Variants in IPCEF1 observed in about 807,000 individuals in gnomAD.
IPCEF1 encodes interactor protein for cytohesin exchange factors 1.
IPCEF1 carries 31 observed loss-of-function variants against 50.9 expected under a neutral mutation model. The observed-to-expected ratio is 0.61, with a 90% CI of 0.46 to 0.82. IPCEF1 has a LOEUF of 0.82. IPCEF1 is among the 40% of genes least tolerant of loss of function. The pLI, the probability that IPCEF1 is intolerant of heterozygous loss-of-function variation, is 0.00. For missense variants in IPCEF1, 458 were observed against 514.0 expected (o/e 0.89, Z 1.05); for synonymous variants, 181 against 192.0 (o/e 0.94, Z 0.47).
chr6:154,154,845 T>C lies in IPCEF1; in HGVS notation c.*4983A>G, dbSNP rs1798647984. 1 of 152,554 alleles carries C rather than the reference T, an allele frequency of 6.6e-6. No individual in the cohort carries two copies. The highest frequency in any genetic ancestry group is 6.6e-5 in the Admixed American group (1 of 15,266). The allele number at this position is 152,554 out of a possible 1,614,324, so 9.5% of individuals were successfully genotyped here. A position where few individuals can be genotyped will look rare whatever the true frequency, so the allele number is the denominator to read the frequency against. ...ACACAGGATGAGAGCACAGTAAAAC[T>C]TAAGCTAAGATTTCCACATTAATAT... On this transcript the variant is annotated 3_prime_UTR_variant, in exon 12 of 12. Coordinates refer to ENST00000367220, the MANE Select transcript of IPCEF1 (RefSeq NM_001130700.2).
In IPCEF1 at chr6:154,293,582, G is replaced by A. The variant is rs190107856; in HGVS notation, c.-61-3826C>T. ...TCTGAATAATGAGTGTGATATTATT[G>A]TTACTGTCCAGTGTTCAATTTCATA... On this transcript the variant is annotated intron_variant, in intron 1 of 11. Coordinates refer to ENST00000367220, the MANE Select transcript of IPCEF1 (RefSeq NM_001130700.2). 2.3e-4 allele frequency among the ~76,000 whole-genome samples: 35 copies of A among 152,230 alleles called. 1 individual carries two copies. In the East Asian group the frequency reaches 6.8e-3, roughly 29 times the overall value.
intron 1 of IPCEF1, among the ~76,000 whole-genome samples, chr6:154,346,462 C>A (rs1188528575): frequency 6.6e-6 from 1 of 152,130 alleles, no homozygotes; most frequent in Non-Finnish European, 1.5e-5. Context: ...ATATACTAAT[C>A]TTTTCTTTCA....
intron 1 of IPCEF1, among the ~76,000 whole-genome samples, chr6:154,292,901 A>AAT (rs1782548417): frequency 6.6e-6 from 1 of 152,230 alleles, no homozygotes; most frequent in Admixed American, 6.5e-5. Context: ...GCTTTGGTGC[A>AAT]ACTAATGATA....
At chr6:154,257,458 A>G (rs899026305) in intron 3 of IPCEF1, among the ~76,000 whole-genome samples, 1 of 151,972 alleles carries the variant, frequency 6.6e-6, no homozygotes, top group Admixed American at 6.5e-5. Context: ...GATGCTTACC[A>G]TGTTTCTGAG....
In IPCEF1 at chr6:154,348,989, A is replaced by T. The variant is rs1288477938; in HGVS notation, c.-62+7683T>A. On this transcript the variant is annotated intron_variant, in intron 1 of 11. Coordinates refer to ENST00000367220, the MANE Select transcript of IPCEF1 (RefSeq NM_001130700.2). ...TTTTCATGTTTACAGCCGTTTGCTT[A>T]GTTTTTCAAATAATTAAAGGTTTTC... Among the ~76,000 whole-genome samples, 3 of 152,202 alleles carry T rather than the reference A, an allele frequency of 2.0e-5. No homozygotes were observed. The East Asian group carries it at 5.8e-4, about 29-fold the overall frequency.
At chr6:154,347,776 C>A (rs575095484) in intron 1 of IPCEF1, among the ~76,000 whole-genome samples, 2 of 152,316 alleles carry the variant, frequency 1.3e-5, no homozygotes, top group Admixed American at 6.5e-5. Flanking sequence ...AGCATCCATC[C>A]ATTGGCAAAA....
At chr6:154,176,318 G>A (rs1800324830) in intron 10 of IPCEF1, among the ~76,000 whole-genome samples, 1 of 152,174 alleles carries the variant, frequency 6.6e-6, no homozygotes, top group African/African-American at 2.4e-5. Flanking sequence ...GGAAGTTCTG[G>A]CCAAAGCAAT....
intron 10 of IPCEF1, among the ~76,000 whole-genome samples, chr6:154,189,609 G>A (rs1305366698): frequency 1.3e-5 from 2 of 152,194 alleles, no homozygotes; most frequent in Non-Finnish European, 2.9e-5. Flanking sequence ...AATGCTTAAA[G>A]TGATGGATAT....
intron 10 of IPCEF1, among the ~76,000 whole-genome samples, chr6:154,171,534 C>T (rs1799869301): frequency 6.6e-6 from 1 of 151,988 alleles, no homozygotes; most frequent in African/African-American, 2.4e-5. Context: ...TGAAATGTTC[C>T]AAAATTAGAT....
In IPCEF1 at chr6:154,249,915, T is replaced by G. The variant is rs12661755; in HGVS notation, c.37-2427A>C. Among the ~76,000 whole-genome samples the G allele has an allele frequency of 4.0e-3, 578 of 144,886 alleles. 11 individuals are homozygous for G. Among genetic ancestry groups the G allele is most frequent in the East Asian group, 0.039 (198 of 5,074 alleles). On this transcript the variant is annotated intron_variant, in intron 3 of 11. Coordinates refer to ENST00000367220, the MANE Select transcript of IPCEF1 (RefSeq NM_001130700.2). ...CACCCAACTCAAAGAAAGGCTTTTTTTTTGTTTGTTTTTAAGTGGGGGAGG... is the reference window on the plus strand; with the variant it reads ...CACCCAACTCAAAGAAAGGCTTTTTGTTTGTTTGTTTTTAAGTGGGGGAGG...
At chr6:154,284,007 T>C (rs1782292827) in intron 2 of IPCEF1, among the ~76,000 whole-genome samples, 2 of 152,170 alleles carry the variant, frequency 1.3e-5, no homozygotes, top group Admixed American at 1.3e-4. Context: ...GAGCATATAA[T>C]TAAAAAAAGA....
intron 1 of IPCEF1, among the ~76,000 whole-genome samples, chr6:154,311,554 GT>G (rs963911026): frequency 2.0e-5 from 3 of 152,010 alleles, no homozygotes; most frequent in Non-Finnish European, 2.9e-5. Flanking sequence ...TCCTAAATAT[GT>G]TTTTTAAAAA....
At chr6:154,330,016 C>T (rs898747553) in intron 1 of IPCEF1, 1 of 152,402 alleles carries the variant, frequency 6.6e-6, no homozygotes, top group East Asian at 1.9e-4. Context: ...TACAGCACAA[C>T]CTACCTCCGT....
intron 11 of IPCEF1, among the ~76,000 whole-genome samples, chr6:154,165,164 G>A (rs1799326376): frequency 6.6e-6 from 1 of 152,084 alleles, no homozygotes; most frequent in East Asian, 1.9e-4. Context: ...CATACTCAGA[G>A]AAAAGTGCAC....
intron 1 of IPCEF1, among the ~76,000 whole-genome samples, chr6:154,292,778 G>GA (rs960245671): frequency 6.6e-6 from 1 of 152,164 alleles, no homozygotes; most frequent in South Asian, 2.1e-4. Context: ...AGAAACAGTG[G>GA]AAAAAATGGG....
chr6:154,220,883 C>A (rs1383603426), intron 7 of IPCEF1, among the ~76,000 whole-genome samples: 1 of 152,214 alleles, frequency 6.6e-6, no homozygotes, highest in African/African-American at 2.4e-5. Flanking sequence ...AATCACACAG[C>A]ATATATTAAA....
intron 1 of IPCEF1, among the ~76,000 whole-genome samples, chr6:154,343,717 T>C (rs1783966019): frequency 6.6e-6 from 1 of 152,318 alleles, no homozygotes; most frequent in Non-Finnish European, 1.5e-5. Flanking sequence ...TTTAGGCAGA[T>C]AGAGAGGAAA....
chr6:154,272,840 T>C (rs1021728523), intron 2 of IPCEF1, among the ~76,000 whole-genome samples: 2 of 152,210 alleles, frequency 1.3e-5, no homozygotes, highest in African/African-American at 2.4e-5. Flanking sequence ...AAACACACTA[T>C]TTATAAAGAA....
intron 5 of IPCEF1, among the ~76,000 whole-genome samples, chr6:154,235,828 T>C (rs1780087897): frequency 6.6e-6 from 1 of 152,094 alleles, no homozygotes; most frequent in Non-Finnish European, 1.5e-5. Flanking sequence ...AAAAGGCAAA[T>C]CAAAGCCACC....
Sources: gnomAD v4.1 joint callset for allele counts (sites outside exome capture counted in the v4.1 genomes callset) on GRCh38, gnomAD v4.1.1 for gene constraint, MANE v1.5 for transcripts, NCBI Gene and HGNC (gene_info 2026-07-23, HGNC 2026-07-21) for gene names.